Variants in COLEC10 observed in about 807,000 individuals in gnomAD.
COLEC10 encodes collectin subfamily member 10.
Under a neutral mutation model 28.4 loss-of-function variants are expected in COLEC10, and 22 were observed. That is an observed-to-expected ratio of 0.78 (90% CI 0.55 to 1.11). The LOEUF is 1.11. Ranked by LOEUF, COLEC10 falls within the 50% of genes least tolerant of loss-of-function variation. COLEC10 has a pLI of 0.00. For synonymous variants in COLEC10, 125 were observed against 116.1 expected, an observed-to-expected ratio of 1.08 and a Z score of -0.49; for missense variants, 361 against 344.1, an observed-to-expected ratio of 1.05 and a Z score of -0.39.
chr8:118,969,731 T>A, the COLEC10 span, among the ~76,000 whole-genome samples: 3 of 151,736 alleles, frequency 2.0e-5, no homozygotes, highest in Non-Finnish European at 4.4e-5. Flanking sequence ...TTATAATAAA[T>A]TCCTTCATTT....
chr8:119,016,127 G>A (rs1813986936), intron 2 of COLEC10, among the ~76,000 whole-genome samples: 1 of 152,096 alleles, frequency 6.6e-6, no homozygotes, highest in Non-Finnish European at 1.5e-5. Context: ...TGTCATCTAA[G>A]TTTTAAGCCC....
chr8:119,002,160 T>C (rs1049424887), intron 1 of COLEC10, among the ~76,000 whole-genome samples: 2 of 152,202 alleles, frequency 1.3e-5, no homozygotes, highest in African/African-American at 4.8e-5. Context: ...TGTGTGTATA[T>C]AATTTTTAGT....
chr8:119,008,480 AT>A (rs5894470), intron 1 of COLEC10, among the ~76,000 whole-genome samples: 18 of 145,364 alleles, frequency 1.2e-4, no homozygotes, highest in East Asian at 4.0e-4. Flanking sequence ...TTTACTTTTT[AT>A]TTTTTTTTTT....
intron 2 of COLEC10, among the ~76,000 whole-genome samples, chr8:119,036,503 C>A (rs987251064): frequency 6.6e-6 from 1 of 152,126 alleles, no homozygotes; most frequent in African/African-American, 2.4e-5. Context: ...AACATTTTGA[C>A]AGATATAAGT....
chr8:119,064,543 C>T (rs1814917809), upstream of COLEC10, among the ~76,000 whole-genome samples: 1 of 152,178 alleles, frequency 6.6e-6, no homozygotes, highest in Admixed American at 6.5e-5. Context: ...ACTCATTTTA[C>T]ATGCCTAGTG....
chr8:118,985,892 C>T, the COLEC10 span, among the ~76,000 whole-genome samples: 1 of 151,966 alleles, frequency 6.6e-6, no homozygotes, highest in Non-Finnish European at 1.5e-5. Context: ...TGACTAGAGA[C>T]CTATAGCAGT....
chr8:118,999,235 G>A (rs1813645557), intron 1 of COLEC10, among the ~76,000 whole-genome samples: 1 of 152,056 alleles, frequency 6.6e-6, no homozygotes. Context: ...TGGATAAAAT[G>A]GCCTTAGGAA....
At chr8:119,036,951 G>C (rs892223151) in intron 2 of COLEC10, among the ~76,000 whole-genome samples, 2 of 152,166 alleles carry the variant, frequency 1.3e-5, no homozygotes, top group Non-Finnish European at 2.9e-5. Context: ...AGACATCAAT[G>C]TTGTTGGGGC....
rs143807859 is a variant in COLEC10, at chr8:119,067,360, G to A, written c.79G>A (p.Gly27Ser). Residue 27 changes from glycine (G) to serine (S), a missense_variant, in exon 1 of 6, where the codon GGT becomes AGT. Gly to Ser is a moderately conservative substitution (Grantham distance 56, BLOSUM62 0). This residue lies in a region of COLEC10 where 335 missense variants were observed against 308.5 expected (regional missense o/e 1.09). Coordinates refer to ENST00000332843, the MANE Select transcript of COLEC10 (RefSeq NM_006438.5). ...VLFLLQIQSLGLDIDSRPTAE... is the reference protein window; with the variant it reads ...VLFLLQIQSLSLDIDSRPTAE... ...ATTTCTTTTGCAAATTCAGAGTCTG[G>A]GTCTGGATATTGATAGCCGTCCTAC... 20 of 1,613,812 alleles carry A rather than the reference G, an allele frequency of 1.2e-5. No homozygotes were observed. The African/African-American group carries it at 2.3e-4, about 18-fold the overall frequency.
At chr8:118,983,841 C>G in the COLEC10 span, among the ~76,000 whole-genome samples, 116 of 152,126 alleles carry the variant, frequency 7.6e-4, no homozygotes, top group Non-Finnish European at 1.5e-3. Flanking sequence ...ATAACAGATG[C>G]TGGTGAGGTT....
intron 2 of COLEC10, among the ~76,000 whole-genome samples, chr8:119,035,618 A>G (rs7017881): frequency 0.63 from 95,370 of 152,056 alleles, 30,943 homozygotes; most frequent in African/African-American, 0.79. Flanking sequence ...GCCCCAACTC[A>G]GTCATTTTGC....
At chr8:119,030,086 C>T (rs928545819) in intron 2 of COLEC10, among the ~76,000 whole-genome samples, 2 of 152,168 alleles carry the variant, frequency 1.3e-5, no homozygotes, top group African/African-American at 4.8e-5. Flanking sequence ...AGCCACATAT[C>T]TCCCTCTTTG....
chr8:119,108,370 G>GC lies in COLEC10; in HGVS notation c.*2184dup, dbSNP rs557496175. The stretch of plus-strand genomic sequence containing the variant: ...GGATCCATGTTCTGATTTGTTCTAA[G>GC]CCCCCAAAGTATGAGTATTTATTGT... On this transcript the variant is annotated 3_prime_UTR_variant, in exon 6 of 6. Coordinates refer to ENST00000332843, the MANE Select transcript of COLEC10 (RefSeq NM_006438.5). Among the ~76,000 whole-genome samples the GC allele has an allele frequency of 6.6e-6, 1 of 152,254 alleles. No homozygotes were observed. Among genetic ancestry groups the GC allele is most frequent in the African/African-American group, 2.4e-5 (1 of 41,544 alleles).
intron 2 of COLEC10, among the ~76,000 whole-genome samples, chr8:119,051,226 C>A (rs1814667951): frequency 6.6e-6 from 1 of 152,030 alleles, no homozygotes; most frequent in Admixed American, 6.5e-5. Flanking sequence ...AAATAATGTA[C>A]CCACTTATTG....
chr8:119,066,564 C>T (rs565858539), upstream of COLEC10, among the ~76,000 whole-genome samples: 23 of 152,228 alleles, frequency 1.5e-4, no homozygotes, highest in Non-Finnish European at 2.1e-4. Flanking sequence ...GAAGGCCTTT[C>T]GCCTTTCTGC....
At chr8:119,032,754 T>C (rs927484879) in intron 2 of COLEC10, among the ~76,000 whole-genome samples, 1 of 152,016 alleles carries the variant, frequency 6.6e-6, no homozygotes, top group Non-Finnish European at 1.5e-5. Context: ...ACAAAAAAAT[T>C]AGCCAGCCGT....
intron 2 of COLEC10, among the ~76,000 whole-genome samples, chr8:119,041,102 C>G (rs964811965): frequency 6.6e-6 from 1 of 152,166 alleles, no homozygotes; most frequent in African/African-American, 2.4e-5. Context: ...GCCAAAGGAG[C>G]ACACAAATCC....
intron 1 of COLEC10, among the ~76,000 whole-genome samples, chr8:118,998,450 A>G (rs1270885007): frequency 6.6e-6 from 1 of 152,156 alleles, no homozygotes; most frequent in Non-Finnish European, 1.5e-5. Flanking sequence ...AAAAAGCATG[A>G]TCACTTAGGC....
At chr8:119,017,097 C>A (rs1344693107) in intron 2 of COLEC10, among the ~76,000 whole-genome samples, 1 of 152,044 alleles carries the variant, frequency 6.6e-6, no homozygotes, top group African/African-American at 2.4e-5. Flanking sequence ...CTCTAATGAC[C>A]ATTGATGATG....
Sources: allele counts gnomAD v4.1 joint callset (sites outside exome capture counted in the v4.1 genomes callset), GRCh38; gene constraint gnomAD v4.1.1; regional missense constraint gnomAD v4.1.1; transcripts MANE v1.5; gene names NCBI Gene and HGNC (gene_info 2026-07-23, HGNC 2026-07-21).